IL7: variants seen among roughly 807,000 people sequenced by gnomAD.
IL7 encodes interleukin-7.
A neutral mutation model predicts 21.6 loss-of-function variants in IL7; 3 were observed. That is an observed-to-expected ratio of 0.14 (90% CI 0.06 to 0.36). The LOEUF is 0.36. Ranked by LOEUF, IL7 falls within the 10% of genes least tolerant of loss-of-function variation. The probability of loss-of-function intolerance (pLI) is 1.00; values close to 1 mark genes in which losing one functional copy is unlikely to be tolerated. For missense variants in IL7, 175 were observed against 200.2 expected, an observed-to-expected ratio of 0.87 and a Z score of 0.76; for synonymous variants, 62 against 68.1, an observed-to-expected ratio of 0.91 and a Z score of 0.44.
At chr8:78,765,262 T>G (rs1812720296) in intron 2 of IL7, among the ~76,000 whole-genome samples, 1 of 152,078 alleles carries the variant, frequency 6.6e-6, no homozygotes, top group Admixed American at 6.5e-5. Flanking sequence ...CTTGATGAAC[T>G]TGGGCATTGA....
chr8:78,744,342 T>C (rs1048207969), intron 2 of IL7, among the ~76,000 whole-genome samples: 1 of 152,096 alleles, frequency 6.6e-6, no homozygotes, highest in African/African-American at 2.4e-5. Context: ...CTCAGGGACC[T>C]GCTTAAAGAA....
chr8:78,697,633 G>T, intron 3 of IL7: 5 of 592,606 alleles, frequency 8.4e-6, no homozygotes, highest in South Asian at 2.3e-5. Context: ...TAGAAGTTAA[G>T]TAATTATTTT....
At chr8:78,684,385 A>G (rs1338725221) in intron 4 of IL7, among the ~76,000 whole-genome samples, 2 of 152,190 alleles carry the variant, frequency 1.3e-5, no homozygotes, top group Non-Finnish European at 2.9e-5. Context: ...TGCCCTTTGT[A>G]AAACCATCAG....
At chr8:78,692,604 GT>G (rs1192398583) in intron 3 of IL7, among the ~76,000 whole-genome samples, 1 of 152,040 alleles carries the variant, frequency 6.6e-6, no homozygotes, top group Non-Finnish European at 1.5e-5. Flanking sequence ...AGTGTAGGTG[GT>G]TAAATCCAGG....
intron 2 of IL7, among the ~76,000 whole-genome samples, chr8:78,762,964 A>T (rs1312229563): frequency 1.3e-5 from 2 of 152,140 alleles, no homozygotes; most frequent in Non-Finnish European, 2.9e-5. Context: ...TTTGGGGAAG[A>T]TGTTTTGGCT....
At chr8:78,708,110 T>C (rs1229903531) in intron 3 of IL7, among the ~76,000 whole-genome samples, 1 of 152,214 alleles carries the variant, frequency 6.6e-6, no homozygotes, top group Non-Finnish European at 1.5e-5. Flanking sequence ...GTATGACAAC[T>C]GTTATTTCGA....
At chr8:78,766,743 A>T (rs561509343) in intron 2 of IL7, among the ~76,000 whole-genome samples, 1 of 152,244 alleles carries the variant, frequency 6.6e-6, no homozygotes, top group East Asian at 1.9e-4. Flanking sequence ...GCTCCTACCA[A>T]CAATTCTGTA....
At chr8:78,743,303 A>T (rs956904677) in intron 2 of IL7, among the ~76,000 whole-genome samples, 2 of 152,214 alleles carry the variant, frequency 1.3e-5, no homozygotes, top group African/African-American at 4.8e-5. Flanking sequence ...TAGGTCTTTG[A>T]GAAATTGCCA....
intron 2 of IL7, among the ~76,000 whole-genome samples, chr8:78,795,942 C>T (rs1479080861): frequency 6.6e-6 from 1 of 151,994 alleles, no homozygotes; most frequent in African/African-American, 2.4e-5. Context: ...CATGCCACTT[C>T]AGTATGAGTA....
chr8:78,687,746 C>A (rs1398567427), intron 3 of IL7, among the ~76,000 whole-genome samples: 34 of 64,082 alleles, frequency 5.3e-4, no homozygotes, highest in Non-Finnish European at 6.3e-4. Flanking sequence ...TTATGTAATA[C>A]ATTATATATA....
intron 2 of IL7, among the ~76,000 whole-genome samples, chr8:78,740,743 T>A (rs1260145363): frequency 6.6e-6 from 1 of 152,228 alleles, no homozygotes; most frequent in Admixed American, 6.5e-5. Context: ...GGTTGAAATT[T>A]GTTCACAACA....
Position 78,804,926 on chromosome 8 carries a change from C to T in IL7, c.-4G>A, listed in dbSNP as rs762020014. 1.9e-6 allele frequency: 3 copies of T among 1,612,350 alleles called. No homozygotes were observed. Among genetic ancestry groups the T allele is most frequent in the Non-Finnish European group, 2.5e-6 (3 of 1,178,888 alleles). ...AAGAGCGCTTACCATGGAACATGGT[C>T]TGCGGGAGGCGGGCGTAGTCATGAT... On this transcript the variant is annotated 5_prime_UTR_variant, in exon 1 of 6. Transcript: ENST00000263851.
intron 3 of IL7, among the ~76,000 whole-genome samples, chr8:78,689,993 G>A (rs1035685680): frequency 6.6e-6 from 1 of 152,090 alleles, no homozygotes; most frequent in African/African-American, 2.4e-5. Context: ...GAAGTAAGGG[G>A]CAGTTTTTCC....
intron 3 of IL7, among the ~76,000 whole-genome samples, chr8:78,708,708 T>C (rs1810862156): frequency 6.6e-6 from 1 of 150,802 alleles, no homozygotes; most frequent in Admixed American, 6.6e-5. Flanking sequence ...GAGATGGAGT[T>C]TTGCTCTTGT....
In IL7 at chr8:78,733,618, C is replaced by G. The variant is rs1811481608; in HGVS notation, c.*95G>C. ...TTGACCATGGTGCATTCAGTAACTT[C>G]TAGGAAGCATTCCACTCTGAAAAAC... On this transcript the variant is annotated 3_prime_UTR_variant, in exon 6 of 6. Coordinates refer to ENST00000263851, the MANE Select transcript of IL7 (RefSeq NM_000880.4). The G allele has an allele frequency of 3.0e-6, 4 of 1,341,550 alleles. No individual in the cohort carries two copies. Among genetic ancestry groups the G allele is most frequent in the Non-Finnish European group, 4.1e-6 (4 of 976,092 alleles). The allele number at this position is 1,341,550 out of a possible 1,614,324, so 83.1% of individuals were successfully genotyped here.
chr8:78,724,412 GC>G (rs1811305371), intron 3 of IL7, among the ~76,000 whole-genome samples: 1 of 151,696 alleles, frequency 6.6e-6, no homozygotes, highest in South Asian at 2.1e-4. Context: ...CCTATTTAAA[GC>G]TTAATTTTTT....
chr8:78,781,740 A>G (rs1198537494), intron 2 of IL7, among the ~76,000 whole-genome samples: 1 of 151,964 alleles, frequency 6.6e-6, no homozygotes, highest in Non-Finnish European at 1.5e-5. Context: ...GGCTCTCTGT[A>G]CTTCCTGAAT....
chr8:78,742,181 G>A (rs943003609), intron 2 of IL7, among the ~76,000 whole-genome samples: 24 of 151,452 alleles, frequency 1.6e-4, no homozygotes, highest in African/African-American at 5.3e-4. Flanking sequence ...AAAATTAGCC[G>A]GGTGTGGTGG....
intron 3 of IL7, among the ~76,000 whole-genome samples, chr8:78,692,340 T>A (rs1378313894): frequency 6.6e-6 from 1 of 152,252 alleles, no homozygotes; most frequent in Non-Finnish European, 1.5e-5. Context: ...ATCCCTATAG[T>A]TCAGTCTTAT....
Sources: allele counts gnomAD v4.1 joint callset (sites outside exome capture counted in the v4.1 genomes callset), GRCh38; gene constraint gnomAD v4.1.1; transcripts MANE v1.5; gene names NCBI Gene and HGNC (gene_info 2026-07-23, HGNC 2026-07-21).